Variants in AK5 observed in about 807,000 individuals in gnomAD.
The protein encoded by AK5 is adenylate kinase isoenzyme 5.
AK5 carries 27 observed loss-of-function variants against 69.5 expected under a neutral mutation model. The ratio of observed to expected loss-of-function variants is 0.39; its 90% CI spans 0.29 to 0.54. AK5 has a LOEUF of 0.54. Among genes scored for constraint, AK5 ranks in the 20% least tolerant of loss-of-function variants. AK5 has a pLI of 0.71. For missense variants in AK5, 531 were observed against 700.4 expected (o/e 0.76, Z 2.73); for synonymous variants, 260 against 244.4 (o/e 1.06, Z -0.60).
At chr1:77,381,209 G>T (rs865946475) in intron 6 of AK5, among the ~76,000 whole-genome samples, 2 of 152,106 alleles carry the variant, frequency 1.3e-5, no homozygotes, top group Non-Finnish European at 2.9e-5. Flanking sequence ...GTAATACCCA[G>T]ATGGCTCACT....
chr1:77,490,192 G>A (rs2100735363), intron 10 of AK5, among the ~76,000 whole-genome samples: 1 of 151,934 alleles, frequency 6.6e-6, no homozygotes, highest in South Asian at 2.1e-4. Context: ...TGCTGTGGCT[G>A]TTTCTTGCAG....
chr1:77,438,110 T>G (rs545802687), intron 8 of AK5, among the ~76,000 whole-genome samples: 1 of 152,090 alleles, frequency 6.6e-6, no homozygotes, highest in East Asian at 1.9e-4. Context: ...CTCTCTTTTT[T>G]TGTTATTTTG....
intron 6 of AK5, among the ~76,000 whole-genome samples, chr1:77,397,162 A>G (rs1004351472): frequency 6.6e-6 from 1 of 152,160 alleles, no homozygotes; most frequent in Non-Finnish European, 1.5e-5. Context: ...AAGAAGTTAC[A>G]TCTTTCTTAC....
chr1:77,361,516 AGCAACTTATACAAAGTTTGG>A (rs1278246331), intron 6 of AK5, among the ~76,000 whole-genome samples: 16 of 152,350 alleles, frequency 1.1e-4, no homozygotes, highest in Admixed American at 3.9e-4. Flanking sequence ...ATATGTATAA[AGCAACTTATACAAAGTTTGG>A]GCAACTTATA....
At chr1:77,372,041 C>T (rs780922287) in intron 6 of AK5, among the ~76,000 whole-genome samples, 3 of 152,162 alleles carry the variant, frequency 2.0e-5, no homozygotes, top group Non-Finnish European at 4.4e-5. Context: ...CAATCTTTTT[C>T]CCAATTCTTA....
Position 77,348,880 on chromosome 1 carries a change from T to G in AK5, c.891+8312T>G, listed in dbSNP as rs78371465. Among the ~76,000 whole-genome samples the G allele has an allele frequency of 2.1e-3, 327 of 152,312 alleles. 1 individual carries two copies. The highest frequency in any genetic ancestry group is 3.6e-3 in the Non-Finnish European group (245 of 68,028). On this transcript the variant is annotated intron_variant, in intron 6 of 13. Coordinates refer to ENST00000354567, the MANE Select transcript of AK5 (RefSeq NM_174858.3). ...CAGACTTCAGAGTTAGGTCTTCATT[T>G]GAAATGTTTTACTAAGACTTACTGA...
chr1:77,294,388 C>A (rs1658868725), intron 3 of AK5, among the ~76,000 whole-genome samples: 1 of 56,552 alleles, frequency 1.8e-5, no homozygotes, highest in African/African-American at 8.3e-5. Context: ...GCCTGGGCAA[C>A]CTAGTGAGAC....
Position 77,297,790 on chromosome 1 carries a change from G to A in AK5, c.586-44G>A, listed in dbSNP as rs11807111. On this transcript the variant is annotated intron_variant, in intron 4 of 13. Transcript: ENST00000354567. ...TTTTCATACCGATTGAGTATACTAA[G>A]TTTAACTGTGGGGTTTTTTTGTCAT... The A allele has an allele frequency of 2.7e-3, 4,416 of 1,607,184 alleles. 103 individuals are homozygous for A. In the African/African-American group the frequency reaches 0.05, roughly 18 times the overall value.
intron 13 of AK5, among the ~76,000 whole-genome samples, chr1:77,538,063 T>C (rs1251227433): frequency 6.6e-6 from 1 of 152,104 alleles, no homozygotes; most frequent in Non-Finnish European, 1.5e-5. Context: ...CAGGGCCAAG[T>C]GCAATGGCTC....
chr1:77,544,487 T>G (rs1659436486), intron 13 of AK5, among the ~76,000 whole-genome samples: 2 of 152,166 alleles, frequency 1.3e-5, no homozygotes, highest in Admixed American at 6.5e-5. Flanking sequence ...TACATAAATA[T>G]TTTTTCTTTA....
intron 6 of AK5, among the ~76,000 whole-genome samples, chr1:77,410,001 T>C (rs1365676324): frequency 6.6e-6 from 1 of 152,146 alleles, no homozygotes; most frequent in Admixed American, 6.6e-5. Flanking sequence ...ATAGGGAGTC[T>C]TTTCTGCATT....
intron 6 of AK5, among the ~76,000 whole-genome samples, chr1:77,404,217 T>G (rs937959323): frequency 6.6e-6 from 1 of 152,156 alleles, no homozygotes; most frequent in Non-Finnish European, 1.5e-5. Context: ...CTTCACAATT[T>G]TTTCACGACT....
At chr1:77,351,719 A>G (rs1029049193) in intron 6 of AK5, among the ~76,000 whole-genome samples, 3 of 152,202 alleles carry the variant, frequency 2.0e-5, no homozygotes, top group African/African-American at 7.2e-5. Context: ...CCTGTATCTC[A>G]TTGGTCAGAA....
chr1:77,298,695 A>C (rs947870395), intron 5 of AK5, among the ~76,000 whole-genome samples: 2 of 151,422 alleles, frequency 1.3e-5, no homozygotes, highest in African/African-American at 4.8e-5. Flanking sequence ...ATAGTGGCGC[A>C]CACCTATAGG....
At chr1:77,376,530 C>A (rs1647266344) in intron 6 of AK5, among the ~76,000 whole-genome samples, 1 of 145,964 alleles carries the variant, frequency 6.9e-6, no homozygotes, top group African/African-American at 2.5e-5. Flanking sequence ...TATGGGTCTT[C>A]TCTTTGATTT....
chr1:77,550,518 C>CA lies in AK5; in HGVS notation c.1621-8083dup, dbSNP rs555636183. ...CTGAGGAAGTCTCATTCACAGAAAA[C>CA]AGTCAGTAAGCTGATTGTGCAGGAT... On this transcript the variant is annotated intron_variant, in intron 13 of 13. Coordinates refer to ENST00000354567, the MANE Select transcript of AK5 (RefSeq NM_174858.3). 1.4e-3 allele frequency among the ~76,000 whole-genome samples: 211 copies of CA among 152,294 alleles called. 1 individual carries two copies. Among genetic ancestry groups the CA allele is most frequent in the African/African-American group, 4.9e-3 (202 of 41,568 alleles).
At chr1:77,361,831 C>T (rs987734227) in intron 6 of AK5, among the ~76,000 whole-genome samples, 1 of 152,088 alleles carries the variant, frequency 6.6e-6, no homozygotes, top group Non-Finnish European at 1.5e-5. Context: ...GAAAGACATC[C>T]TCACCCCCGC....
intron 8 of AK5, among the ~76,000 whole-genome samples, chr1:77,421,406 A>C (rs1431811486): frequency 6.6e-6 from 1 of 152,206 alleles, no homozygotes; most frequent in Admixed American, 6.5e-5. Flanking sequence ...AGCCAGGCGC[A>C]GGAAAGATAG....
intron 1 of AK5, chr1:77,283,432 T>A: frequency 1.0e-6 from 1 of 985,424 alleles, no homozygotes; most frequent in Non-Finnish European, 1.2e-6. Context: ...CATGAGGGTT[T>A]TTCCCCCCGG....
Sources: allele counts gnomAD v4.1 joint callset (sites outside exome capture counted in the v4.1 genomes callset), GRCh38; gene constraint gnomAD v4.1.1; transcripts MANE v1.5; gene names NCBI Gene and HGNC (gene_info 2026-07-23, HGNC 2026-07-21).